POU2AF2: variants seen among roughly 807,000 people sequenced by gnomAD.
The protein encoded by POU2AF2 is POU domain class 2-associating factor 2.
At chr11:111,259,687 G>A in the POU2AF2 span, among the ~76,000 whole-genome samples, 2 of 152,040 alleles carry the variant, frequency 1.3e-5, no homozygotes, top group Non-Finnish European at 1.5e-5. Flanking sequence ...GCAAACAAAC[G>A]GGTTTTTTAA....
At chr11:111,247,191 C>CAGAGAGAGAGAG in the POU2AF2 span, among the ~76,000 whole-genome samples, 6,597 of 144,722 alleles carry the variant, frequency 0.046, 183 homozygotes, top group South Asian at 0.076. Context: ...TACACACACA[C>CAGAGAGAGAGAG]AGAGAGAGAG....
the POU2AF2 span, among the ~76,000 whole-genome samples, chr11:111,271,392 C>T: frequency 0.27 from 40,744 of 151,802 alleles, 5,746 homozygotes; most frequent in Admixed American, 0.34. Context: ...CTTAGCGTGG[C>T]TCAAAAAAAC....
chr11:111,273,918 C>T, the POU2AF2 span, among the ~76,000 whole-genome samples: 2 of 152,126 alleles, frequency 1.3e-5, no homozygotes, highest in African/African-American at 2.4e-5. Flanking sequence ...TTGCAGGATC[C>T]TGTTGTTTGC....
At chr11:111,252,145 C>G in the POU2AF2 span, among the ~76,000 whole-genome samples, 5 of 152,206 alleles carry the variant, frequency 3.3e-5, no homozygotes, top group Admixed American at 6.5e-5. Flanking sequence ...TTCCCAGGCC[C>G]TCCTCCTTCC....
At chr11:111,283,402 T>C in the POU2AF2 span, among the ~76,000 whole-genome samples, 1 of 144,050 alleles carries the variant, frequency 6.9e-6, no homozygotes, top group Non-Finnish European at 1.5e-5. Context: ...TGCTGGGCCC[T>C]GGTGAGTTGA....
At chr11:111,264,479 G>C in the POU2AF2 span, among the ~76,000 whole-genome samples, 1 of 146,114 alleles carries the variant, frequency 6.8e-6, no homozygotes, top group Non-Finnish European at 1.5e-5. Context: ...CTGGGTGACA[G>C]AGCAAGACTC....
the POU2AF2 span, chr11:111,286,053 G>A: frequency 1.2e-6 from 2 of 1,606,772 alleles, no homozygotes; most frequent in East Asian, 2.2e-5. Context: ...AGAGCTTATT[G>A]AGGGGAGGGC....
chr11:111,286,132 T>C, the POU2AF2 span: 1 of 1,520,728 alleles, frequency 6.6e-7, no homozygotes, highest in Non-Finnish European at 8.9e-7. Flanking sequence ...TGTCAGCCCA[T>C]TCAGGACTGG....
the POU2AF2 span, among the ~76,000 whole-genome samples, chr11:111,263,707 A>C: frequency 6.6e-6 from 1 of 152,184 alleles, no homozygotes. Context: ...CTGGGATTAC[A>C]GGCGTGAGCC....
At chr11:111,284,262 A>G in the POU2AF2 span, 37 of 1,613,974 alleles carry the variant, frequency 2.3e-5, no homozygotes, top group South Asian at 6.6e-5. Context: ...CAGGAGCCCT[A>G]CGGAGACTAC....
the POU2AF2 span, chr11:111,285,887 T>G: frequency 6.2e-7 from 1 of 1,612,498 alleles, no homozygotes; most frequent in Non-Finnish European, 8.5e-7. Flanking sequence ...CCCGCCTCCT[T>G]ACCCCTTCAC....
At chr11:111,248,611 T>C in the POU2AF2 span, among the ~76,000 whole-genome samples, 1 of 152,264 alleles carries the variant, frequency 6.6e-6, no homozygotes, top group Non-Finnish European at 1.5e-5. Context: ...TAACTCAGAA[T>C]ATAAATTCTT....
chr11:111,248,227 G>A, the POU2AF2 span, among the ~76,000 whole-genome samples: 3 of 152,108 alleles, frequency 2.0e-5, no homozygotes, highest in African/African-American at 7.2e-5. Flanking sequence ...TGAGTTCCTA[G>A]TGGGCGTAAG....
chr11:111,283,522 A>C, the POU2AF2 span, among the ~76,000 whole-genome samples: 150 of 152,352 alleles, frequency 9.8e-4, no homozygotes, highest in East Asian at 0.023. Flanking sequence ...CTAATCCTAA[A>C]GAAAGTCATT....
At chr11:111,284,088 C>T in the POU2AF2 span, 3 of 1,613,644 alleles carry the variant, frequency 1.9e-6, no homozygotes, top group Non-Finnish European at 2.5e-6. Context: ...TCGCCGGTCA[C>T]GTCAGGTTAC....
chr11:111,265,141 C>T, the POU2AF2 span, among the ~76,000 whole-genome samples: 7 of 152,086 alleles, frequency 4.6e-5, no homozygotes, highest in African/African-American at 1.2e-4. Context: ...TTCCCTGTGA[C>T]GTGCAGCGGA....
At chr11:111,277,744 G>C in the POU2AF2 span, among the ~76,000 whole-genome samples, 3 of 152,190 alleles carry the variant, frequency 2.0e-5, no homozygotes, top group Non-Finnish European at 2.9e-5. Context: ...AGAACAATGG[G>C]ACATCTCCCT....
chr11:111,284,389 GA>G, the POU2AF2 span: 1 of 1,580,696 alleles, frequency 6.3e-7, no homozygotes, highest in South Asian at 1.1e-5. Flanking sequence ...TGAGTATGCA[GA>G]GACCTCGTGT....
chr11:111,265,026 C>T, the POU2AF2 span, among the ~76,000 whole-genome samples: 3 of 151,836 alleles, frequency 2.0e-5, no homozygotes, highest in East Asian at 1.9e-4. Flanking sequence ...AAGCATGCCA[C>T]GAGCTAAGCT....
Sources: allele counts gnomAD v4.1 joint callset (sites outside exome capture counted in the v4.1 genomes callset), GRCh38; gene constraint gnomAD v4.1.1; transcripts MANE v1.5; gene names NCBI Gene and HGNC (gene_info 2026-07-23, HGNC 2026-07-21).